Variants in CSRNP2 observed in about 807,000 individuals in gnomAD.
CSRNP2 encodes the protein cysteine and serine rich nuclear protein 2.
Under a neutral mutation model 36.6 loss-of-function variants are expected in CSRNP2, and 11 were observed. That is an observed-to-expected ratio of 0.30 (90% CI 0.19 to 0.50). The LOEUF (loss-of-function observed/expected upper bound fraction) is 0.50, where lower values mean the gene tolerates loss of function less well. CSRNP2 is among the 20% of genes least tolerant of loss of function. The pLI is 0.98. For synonymous variants in CSRNP2, 248 were observed against 275.3 expected (o/e 0.90, Z 0.98); for missense variants, 483 against 691.4 (o/e 0.70, Z 3.38).
intron 1 of CSRNP2, among the ~76,000 whole-genome samples, chr12:51,082,015 A>G (rs1265026778): frequency 1.3e-5 from 2 of 152,224 alleles, no homozygotes; most frequent in Non-Finnish European, 2.9e-5. Flanking sequence ...CTGGAACCCA[A>G]CCTTCTGCTA....
At chr12:51,073,327 T>G (rs985534084) in intron 3 of CSRNP2, among the ~76,000 whole-genome samples, 5 of 151,892 alleles carry the variant, frequency 3.3e-5, no homozygotes, top group African/African-American at 1.2e-4. Context: ...TCTGGTAGAC[T>G]CCCCTGCCAG....
At position 51,063,860 on chromosome 12, in the gene CSRNP2, T is replaced by A. The variant is rs750602192; in HGVS notation, c.1518A>T (p.Ser506=). Residue 506 remains serine (S), a synonymous_variant, in exon 5 of 5, where the codon TCA becomes TCT. Transcript: ENST00000228515. ...NEDFHPSWSP[S]SLPFRTDNEE... ...CATTGTCCGTGCGGAAGGGGAGGCT[T>A]GAGGGGGACCAGGAAGGGTGGAAGT... 4 of 1,614,000 alleles carry A rather than the reference T, an allele frequency of 2.5e-6. No individual in the cohort carries two copies. In the South Asian group the frequency reaches 4.4e-5, roughly 18 times the overall value.
chr12:51,063,606 C>T lies in CSRNP2; in HGVS notation c.*140G>A, dbSNP rs142747009. The T allele has an allele frequency of 3.6e-4, 236 of 656,082 alleles. No individual in the cohort carries two copies. The African/African-American group carries it at 3.9e-3, about 11-fold the overall frequency. 40.6% of individuals were successfully genotyped at this position (656,082 alleles called of 1,614,324 possible). ...CCCTTTTAAAAAATACTCAAACAAT[C>T]CTTTCCCACCCATTCCCCAAAGACC... is the stretch of plus-strand genomic sequence containing the variant. On this transcript the variant is annotated 3_prime_UTR_variant, in exon 5 of 5. Transcript: ENST00000228515.
At chr12:51,079,442 A>C (rs1592771670) in intron 1 of CSRNP2, among the ~76,000 whole-genome samples, 1 of 151,696 alleles carries the variant, frequency 6.6e-6, no homozygotes, top group Admixed American at 6.6e-5. Flanking sequence ...TTGTGATTGA[A>C]TGCTTATGTG....
chr12:51,066,670 T>C (rs1393146555), intron 4 of CSRNP2, among the ~76,000 whole-genome samples: 4 of 151,262 alleles, frequency 2.6e-5, no homozygotes, highest in African/African-American at 4.8e-5. Flanking sequence ...CAACAAGAGA[T>C]GATACTTTCT....
intron 1 of CSRNP2, 80 bp from the exon 2 acceptor site, chr12:51,076,727 A>C: frequency 1.5e-6 from 1 of 667,588 alleles, no homozygotes; most frequent in South Asian, 1.9e-5. Flanking sequence ...CTCTCTAAAG[A>C]AAGCACCTCA....
intron 1 of CSRNP2, chr12:51,082,574 T>G (rs1939685767): frequency 6.6e-6 from 1 of 152,172 alleles, no homozygotes; most frequent in South Asian, 2.1e-4. Flanking sequence ...GGGGATAACT[T>G]CTAGCATTTC....
Position 51,064,261 on chromosome 12 carries a change from G to A in CSRNP2, c.1117C>T (p.Pro373Ser). ...ATGAGAATGGGGGCTGTAAGGCCTG[G>A]GCACAGCTCTTCGGGGACAGCCAGA... ...EPLAVPEELCPGLTAPILIQA... is the reference protein window; with the variant it reads ...EPLAVPEELCSGLTAPILIQA... Residue 373 changes from proline to serine, a missense_variant, in exon 5 of 5, where the codon CCA becomes TCA. Physicochemically the swap from Pro to Ser is moderately conservative, Grantham distance 74 (BLOSUM62 -1). Around this residue, in one of 2 missense-constraint regions of CSRNP2, gnomAD observed 277 missense variants for 323.6 expected, o/e 0.86. Coordinates refer to ENST00000228515, the MANE Select transcript of CSRNP2 (RefSeq NM_030809.3). 1.2e-6 allele frequency: 2 copies of A among 1,613,156 alleles called. No individual in the cohort carries two copies. The highest frequency in any genetic ancestry group is 1.7e-6 in the Non-Finnish European group (2 of 1,179,572).
Position 51,067,762 on chromosome 12 carries a change from G to A in CSRNP2, c.619C>T (p.Arg207Cys), listed in dbSNP as rs1174119372. ...AEEKQELRAI[R>C]LSREECGCDC... ...CAACCACATTCTTCCCGTGACAGGCGGATGGCTCGAAGTTCTTGCTTCTCT... is the reference window on the plus strand; with the variant it reads ...CAACCACATTCTTCCCGTGACAGGCAGATGGCTCGAAGTTCTTGCTTCTCT... Residue 207 changes from arginine to cysteine, a missense_variant, in exon 4 of 5, where the codon CGC (arginine) becomes TGC (cysteine). Around this residue, in one of 2 missense-constraint regions of CSRNP2, gnomAD observed 206 missense variants for 367.8 expected, o/e 0.56. Coordinates refer to ENST00000228515, the MANE Select transcript of CSRNP2 (RefSeq NM_030809.3). This position sits in a 1 kb window ranked among gnomAD's most constrained non-coding sequence, Gnocchi z 4.1. 2.5e-6 allele frequency: 4 copies of A among 1,614,028 alleles called. No individual in the cohort carries two copies. In the African/African-American group the frequency reaches 4.0e-5, roughly 16 times the overall value.
In CSRNP2 at chr12:51,062,363, A is replaced by G. The variant is rs1032988745; in HGVS notation, c.*1383T>C. 1 of 152,204 alleles carries G rather than the reference A, an allele frequency of 6.6e-6. No individual in the cohort carries two copies. Among genetic ancestry groups the G allele is most frequent in the Non-Finnish European group, 1.5e-5 (1 of 68,026 alleles). 9.4% of individuals were successfully genotyped at this position (152,204 alleles called of 1,614,324 possible). On this transcript the variant is annotated 3_prime_UTR_variant, in exon 5 of 5. Coordinates refer to ENST00000228515, the MANE Select transcript of CSRNP2 (RefSeq NM_030809.3). ...CTTGAGAAGAATAGTTTTGCTCCCT[A>G]CTGCCTCCATTTTAGAACAGAGACA...
In CSRNP2 at chr12:51,066,777, G is replaced by T. The variant is rs117171010; in HGVS notation, c.708+896C>A. On this transcript the variant is annotated intron_variant, in intron 4 of 4. Transcript: ENST00000228515. ...TTTTGATTTTTTCAAAATTGGAGTAGAGGTACTGAACAATAAGTGTTTGCA... is the reference window on the plus strand; with the variant it reads ...TTTTGATTTTTTCAAAATTGGAGTATAGGTACTGAACAATAAGTGTTTGCA... 6.8e-4 allele frequency among the ~76,000 whole-genome samples: 103 copies of T among 152,318 alleles called. 2 individuals are homozygous for T. In the East Asian group the frequency reaches 0.013, roughly 20 times the overall value.
chr12:51,062,968 G>T lies in CSRNP2; in HGVS notation c.*778C>A, dbSNP rs1439028333. 6.6e-6 allele frequency: 1 copy of T among 152,304 alleles called. No homozygotes were observed. The highest frequency in any genetic ancestry group is 6.5e-5 in the Admixed American group (1 of 15,278). The allele number at this position is 152,304 out of a possible 1,614,324, so 9.4% of individuals were successfully genotyped here. On this transcript the variant is annotated 3_prime_UTR_variant, in exon 5 of 5. Coordinates refer to ENST00000228515, the MANE Select transcript of CSRNP2 (RefSeq NM_030809.3). Reference sequence around the variant, plus strand: ...GCCTGACAGTGCTAGTGTCAGACACGTACAGAAGGCTCAGGCTCGTTATAC... The same window carrying T: ...GCCTGACAGTGCTAGTGTCAGACACTTACAGAAGGCTCAGGCTCGTTATAC...
intron 4 of CSRNP2, among the ~76,000 whole-genome samples, chr12:51,066,549 G>A (rs1938346388): frequency 6.6e-6 from 1 of 151,762 alleles, no homozygotes; most frequent in Non-Finnish European, 1.5e-5. Flanking sequence ...GCTGAGGCGG[G>A]AGAATCACTT....
chr12:51,079,358 T>TAA (rs879833809), intron 1 of CSRNP2, among the ~76,000 whole-genome samples: 3 of 142,404 alleles, frequency 2.1e-5, no homozygotes, highest in Non-Finnish European at 4.6e-5. Flanking sequence ...CTTAAAGTAT[T>TAA]AAAAAAAAAA....
At chr12:51,078,935 G>A (rs973866523) in intron 1 of CSRNP2, among the ~76,000 whole-genome samples, 4 of 152,150 alleles carry the variant, frequency 2.6e-5, no homozygotes, top group Admixed American at 2.0e-4. Context: ...TATGTTTATT[G>A]AGGCACTATT....
chr12:51,063,660 G>T lies in CSRNP2; in HGVS notation c.*86C>A. 1 of 1,049,126 alleles carries T rather than the reference G, an allele frequency of 9.5e-7. No individual in the cohort carries two copies. The highest frequency in any genetic ancestry group is 1.3e-6 in the Non-Finnish European group (1 of 748,050). 65.0% of individuals were successfully genotyped at this position (1,049,126 alleles called of 1,614,324 possible). On this transcript the variant is annotated 3_prime_UTR_variant, in exon 5 of 5. Coordinates refer to ENST00000228515, the MANE Select transcript of CSRNP2 (RefSeq NM_030809.3). ...ATAAAATAACATGGGAGCAGCAGCT[G>T]CTTCTACAGTTTTGTTTTGAAATGG...
chr12:51,066,835 C>A (rs1938427621), intron 4 of CSRNP2, among the ~76,000 whole-genome samples: 1 of 152,032 alleles, frequency 6.6e-6, no homozygotes, highest in Non-Finnish European at 1.5e-5. Context: ...CATTCCTCTG[C>A]TAACTTTTTG....
chr12:51,073,749 C>G, intron 3 of CSRNP2, 74 bp downstream of exon 3: 1 of 1,371,510 alleles, frequency 7.3e-7, no homozygotes, highest in Non-Finnish European at 9.8e-7. Context: ...AAAAAAAAAT[C>G]AATCAACCAA....
intron 1 of CSRNP2, among the ~76,000 whole-genome samples, chr12:51,079,167 G>C (rs1939514089): frequency 6.6e-6 from 1 of 151,986 alleles, no homozygotes; most frequent in African/African-American, 2.4e-5. Context: ...GGTGGGAATT[G>C]AACAATGAGA....
Sources: gnomAD v4.1 joint callset for allele counts (sites outside exome capture counted in the v4.1 genomes callset) on GRCh38, gnomAD v4.1.1 for gene constraint, gnomAD v4.1.1 regional missense constraint, Gnocchi (gnomAD v3.1) non-coding constraint, MANE v1.5 for transcripts, NCBI Gene and HGNC (gene_info 2026-07-23, HGNC 2026-07-21) for gene names.